RYR1: variants seen among roughly 807,000 people sequenced by gnomAD.
RYR1 encodes the protein ryanodine receptor 1.
RYR1 carries 342 observed loss-of-function variants against 583.5 expected under a neutral mutation model. The ratio of observed to expected loss-of-function variants is 0.59; its 90% CI spans 0.54 to 0.64. The LOEUF is 0.64. RYR1 is among the 30% of genes least tolerant of loss of function. The pLI is 0.00. For synonymous variants in RYR1, 2,791 were observed against 2,822.5 expected, an observed-to-expected ratio of 0.99 and a Z score of 0.35; for missense variants, 6,032 against 6,917.2, an observed-to-expected ratio of 0.87 and a Z score of 4.54.
rs141678782 is a variant in RYR1 at position 38,475,361 on chromosome 19, C to T, written c.4204C>T (p.Pro1402Ser). 7 of 1,611,434 alleles carry T rather than the reference C, an allele frequency of 4.3e-6. No homozygotes were observed. Among genetic ancestry groups the T allele is most frequent in the Non-Finnish European group, 5.1e-6 (6 of 1,178,780 alleles). Residue 1402 changes from proline to serine, a missense_variant, in exon 29 of 106, where the codon CCG (proline) becomes TCG (serine). By Grantham distance (74) the Pro-to-Ser change is moderately conservative. Coordinates refer to ENST00000359596, the MANE Select transcript of RYR1 (RefSeq NM_000540.3). The stretch of plus-strand genomic sequence containing the variant: ...GAAGGTCGCCATGATGACCCAGCCA[C>T]CGGCCACCCCCACGCTGCCCCGACT... ...AKKVAMMTQPPATPTLPRLPH... is the reference protein window; with the variant it reads ...AKKVAMMTQPSATPTLPRLPH...
At position 38,523,900 on chromosome 19, in the gene RYR1, G is replaced by C; in HGVS notation, c.10441-15G>C. The C allele has an allele frequency of 6.2e-7, 1 of 1,613,968 alleles. No individual in the cohort carries two copies. On this transcript the variant is annotated splice_polypyrimidine_tract_variant and intron_variant, in intron 69 of 105. Coordinates refer to ENST00000359596, the MANE Select transcript of RYR1 (RefSeq NM_000540.3). ...GGTAACCCTTCTTGTCTCTGTCTGC[G>C]GTCCGGTGAAGCAGGCGGGAGATAT...
intron 89 of RYR1, among the ~76,000 whole-genome samples, chr19:38,559,204 A>C (rs1419319833): frequency 6.6e-6 from 1 of 150,702 alleles, no homozygotes; most frequent in Non-Finnish European, 1.5e-5. Context: ...ATAGTGTCCC[A>C]GGCGCCTGTG....
At position 38,456,348 on chromosome 19, in the gene RYR1, C is replaced by A. The variant is rs1037554591; in HGVS notation, c.1791+597C>A. Reference sequence around the variant, plus strand: ...TGGAGTGGGAGTGCAGTGGCATGATCTCAGCTCACTGCAACCTCTGCTTCC... The same window carrying A: ...TGGAGTGGGAGTGCAGTGGCATGATATCAGCTCACTGCAACCTCTGCTTCC... On this transcript the variant is annotated intron_variant, in intron 16 of 105. Coordinates refer to ENST00000359596, the MANE Select transcript of RYR1 (RefSeq NM_000540.3). 2.8e-5 allele frequency among the ~76,000 whole-genome samples: 4 copies of A among 142,410 alleles called. No homozygotes were observed. The Admixed American group carries it at 3.0e-4, about 11-fold the overall frequency. The allele number at this position is 142,410 out of a possible 152,430, so 93.4% of individuals were successfully genotyped here.
At position 38,548,298 on chromosome 19, in the gene RYR1, G is replaced by A. The variant is rs769642510; in HGVS notation, c.12160G>A (p.Val4054Met). ...CATGCTCGTGGAATCCTCATCCAAT[G>A]TGGAGATGATCCTCAAGTTCTTCGA... ...VDMLVESSSN[V>M]EMILKFFDMF... Residue 4054 changes from valine (V) to methionine (M), a missense_variant, in exon 89 of 106, where the codon GTG becomes ATG. Physicochemically the swap from Val to Met is conservative, Grantham distance 21. Coordinates refer to ENST00000359596, the MANE Select transcript of RYR1 (RefSeq NM_000540.3). 6 of 1,614,116 alleles carry A rather than the reference G, an allele frequency of 3.7e-6. 1 individual carries two copies. The highest frequency in any genetic ancestry group is 3.3e-5 in the Admixed American group (2 of 60,002).
At position 38,466,326 on chromosome 19, in the gene RYR1, G is replaced by A; in HGVS notation, c.3106G>A (p.Asp1036Asn). The change falls in exon 24 of 106, where the codon GAC becomes AAC. Residue 1036 changes from aspartate (D) to asparagine (N), a missense_variant. Asp to Asn is a conservative substitution (Grantham distance 23). Coordinates refer to ENST00000359596, the MANE Select transcript of RYR1 (RefSeq NM_000540.3). ...LDEATKRSNR[D>N]SLCQAVRTLL... Reference sequence around the variant, plus strand: ...TGAAGCCACCAAGCGCAGCAACCGGGACAGCCTCTGCCAGGCCGTGCGCAC... The same window carrying A: ...TGAAGCCACCAAGCGCAGCAACCGGAACAGCCTCTGCCAGGCCGTGCGCAC... 2 of 1,605,272 alleles carry A rather than the reference G, an allele frequency of 1.2e-6. No homozygotes were observed. Among genetic ancestry groups the A allele is most frequent in the African/African-American group, 1.3e-5 (1 of 74,840 alleles).
intron 76 of RYR1, among the ~76,000 whole-genome samples, chr19:38,530,987 C>CTCTT (rs773883038): frequency 3.9e-4 from 50 of 129,368 alleles, no homozygotes; most frequent in South Asian, 3.0e-3. Context: ...TTTTCTTTCT[C>CTCTT]TTTTTTTTTT....
intron 75 of RYR1, 47 bp downstream of exon 75, chr19:38,528,742 C>G (rs1190259192): frequency 8.8e-6 from 14 of 1,596,122 alleles, no homozygotes; most frequent in Non-Finnish European, 1.2e-5. Context: ...CTGGATAGGG[C>G]TGGGGCGGAG....
rs77550186 is a variant in RYR1 at position 38,511,501 on chromosome 19, G to T, written c.9123-60G>T. 8,252 of 1,578,276 alleles carry T rather than the reference G, an allele frequency of 5.2e-3. 225 individuals carry two copies. The East Asian group carries it at 0.072, about 14-fold the overall frequency. Reference sequence around the variant, plus strand: ...CCTCTAATTGGGTCACGCTGTCCTCGTCTCCTTGGCCTCCTCACTCGCTGT... The same window carrying T: ...CCTCTAATTGGGTCACGCTGTCCTCTTCTCCTTGGCCTCCTCACTCGCTGT... On this transcript the variant is annotated intron_variant, in intron 60 of 105. Coordinates refer to ENST00000359596, the MANE Select transcript of RYR1 (RefSeq NM_000540.3).
chr19:38,435,409 T>G, intron 1 of RYR1, among the ~76,000 whole-genome samples: 1 of 152,176 alleles, frequency 6.6e-6, no homozygotes, highest in East Asian at 1.9e-4. Flanking sequence ...GTTTTTCTGA[T>G]TGTTACTGAG....
At chr19:38,442,774 G>A (rs1972757046) in intron 3 of RYR1, among the ~76,000 whole-genome samples, 2 of 152,172 alleles carry the variant, frequency 1.3e-5, no homozygotes, top group Admixed American at 1.3e-4. Flanking sequence ...GGCCAGGCAG[G>A]AAGGAAGGAA....
In RYR1 at chr19:38,523,048, C is replaced by T. The variant is rs775773632; in HGVS notation, c.10280C>T (p.Pro3427Leu). Residue 3427 changes from proline to leucine, a missense_variant, in exon 68 of 106, where the codon CCG becomes CTG. Pro to Leu is a moderately conservative substitution (Grantham distance 98). Around this residue, in one of 11 missense-constraint regions of RYR1, gnomAD observed 1,493 missense variants for 1,715.5 expected, o/e 0.87. Transcript: ENST00000359596. ...DNNRAQWLTEPNPSAEELFRM... is the reference protein window; with the variant it reads ...DNNRAQWLTELNPSAEELFRM... Reference sequence around the variant, plus strand: ...CCCAGGGCGCAGTGGCTGACGGAGCCGAATCCCAGCGCGGAGGAGCTGTTC... The same window carrying T: ...CCCAGGGCGCAGTGGCTGACGGAGCTGAATCCCAGCGCGGAGGAGCTGTTC... 35 of 1,606,358 alleles carry T rather than the reference C, an allele frequency of 2.2e-5. No homozygotes were observed. In the African/African-American group the frequency reaches 2.5e-4, roughly 12 times the overall value.
chr19:38,497,175 T>C (rs184239110), intron 42 of RYR1, among the ~76,000 whole-genome samples: 1 of 149,186 alleles, frequency 6.7e-6, no homozygotes, highest in Non-Finnish European at 1.5e-5. Flanking sequence ...ACGCTTCCCG[T>C]CTGGGGGCAG....
intron 67 of RYR1, among the ~76,000 whole-genome samples, chr19:38,520,880 T>C (rs867438304): frequency 2.0e-5 from 3 of 152,136 alleles, no homozygotes; most frequent in African/African-American, 4.8e-5. Flanking sequence ...CTATGCACAA[T>C]GTGATTGGCT....
rs1166134931 is a variant in RYR1 at position 38,565,234 on chromosome 19, C to T, written c.12900C>T (p.Ala4300=). The change falls in exon 91 of 106, where the codon GCC becomes GCT. Residue 4300 remains alanine, a synonymous_variant. Coordinates refer to ENST00000359596, the MANE Select transcript of RYR1 (RefSeq NM_000540.3). The surrounding 1 kb of genome is among the most constrained non-coding windows in gnomAD (Gnocchi z 4.7). Reference sequence around the variant, plus strand: ...GGGCGACGGCGCGGGTTGTGGCGGCCGCAGGCCGGGCCCTGCGAGGCCTCA... The same window carrying T: ...GGGCGACGGCGCGGGTTGTGGCGGCTGCAGGCCGGGCCCTGCGAGGCCTCA... ...AAGATARVVA[A]AGRALRGLSY... 3.0e-6 allele frequency: 3 copies of T among 989,060 alleles called. No individual in the cohort carries two copies. The African/African-American group carries it at 5.3e-5, about 17-fold the overall frequency. 61.3% of individuals were successfully genotyped at this position (989,060 alleles called of 1,614,324 possible).
chr19:38,558,560 C>T (rs1599619969), intron 89 of RYR1, among the ~76,000 whole-genome samples: 2 of 152,302 alleles, frequency 1.3e-5, no homozygotes, highest in African/African-American at 4.8e-5. Context: ...GGGCAGATCA[C>T]TTGAGATCAG....
At position 38,433,821 on chromosome 19, in the gene RYR1, C is replaced by T; in HGVS notation, c.-9C>T. ...CGACCTCAGACCCTGGGCTTCCGAC[C>T]TCGACATCATGGGTGACGCAGAAGG... On this transcript the variant is annotated 5_prime_UTR_variant, in exon 1 of 106. Transcript: ENST00000359596. 6.2e-7 allele frequency: 1 copy of T among 1,612,762 alleles called. No individual in the cohort carries two copies. Among genetic ancestry groups the T allele is most frequent in the Non-Finnish European group, 8.5e-7 (1 of 1,179,288 alleles).
chr19:38,437,184 G>A (rs1035595871), intron 1 of RYR1, among the ~76,000 whole-genome samples: 1 of 151,822 alleles, frequency 6.6e-6, no homozygotes, highest in Non-Finnish European at 1.5e-5. Context: ...CCGAGTAGCT[G>A]GGATTACAGG....
At chr19:38,569,766 C>A (rs113860440) in intron 93 of RYR1, among the ~76,000 whole-genome samples, 1 of 152,124 alleles carries the variant, frequency 6.6e-6, no homozygotes, top group South Asian at 2.1e-4. Flanking sequence ...CTGTAAAGTG[C>A]GCATAACAGT....
chr19:38,543,530 A>G lies in RYR1; in HGVS notation c.11779-2A>G. 6.3e-7 allele frequency: 1 copy of G among 1,585,860 alleles called. No individual in the cohort carries two copies. Among genetic ancestry groups the G allele is most frequent in the Non-Finnish European group, 8.6e-7 (1 of 1,159,388 alleles). On this transcript the variant is annotated splice_acceptor_variant, in intron 85 of 105. Transcript: ENST00000359596. LOFTEE classifies it high-confidence loss of function. The surrounding 1 kb of genome is among the most constrained non-coding windows in gnomAD (Gnocchi z 4.4). ...CCCTCACACCCTACCCGCCCCCACCAGGAATCCATCAGCGACTTCTACTGG... is the reference window on the plus strand; with the variant it reads ...CCCTCACACCCTACCCGCCCCCACCGGGAATCCATCAGCGACTTCTACTGG...
Sources: gnomAD v4.1 joint callset for allele counts (sites outside exome capture counted in the v4.1 genomes callset) on GRCh38, gnomAD v4.1.1 for gene constraint, gnomAD v4.1.1 regional missense constraint, Gnocchi (gnomAD v3.1) non-coding constraint, MANE v1.5 for transcripts, NCBI Gene and HGNC (gene_info 2026-07-23, HGNC 2026-07-21) for gene names.